The following TSHZ2 variants were observed in gnomAD, a reference collection of about 807,000 sequenced individuals.
The protein encoded by TSHZ2 is teashirt zinc finger homeobox 2.
TSHZ2 carries 21 observed loss-of-function variants against 74.4 expected under a neutral mutation model. That is an observed-to-expected ratio of 0.28 (90% CI 0.20 to 0.41). The LOEUF is 0.41. Ranked by LOEUF, TSHZ2 falls within the 10% of genes least tolerant of loss-of-function variation. The pLI, the probability that TSHZ2 is intolerant of heterozygous loss-of-function variation, is 1.00. For synonymous variants in TSHZ2, 540 were observed against 515.3 expected, an observed-to-expected ratio of 1.05 and a Z score of -0.65; for missense variants, 1,244 against 1,293.5, an observed-to-expected ratio of 0.96 and a Z score of 0.59.
rs1986551088 is a variant in TSHZ2, at chr20:53,495,187, A to T, written c.*8052A>T. 1 of 152,254 alleles carries T rather than the reference A, an allele frequency of 6.6e-6. No homozygotes were observed. Among genetic ancestry groups the T allele is most frequent in the South Asian group, 2.1e-4 (1 of 4,836 alleles). 9.4% of individuals were successfully genotyped at this position (152,254 alleles called of 1,614,324 possible). A position where few individuals can be genotyped will look rare whatever the true frequency, so the allele number is the denominator to read the frequency against. On this transcript the variant is annotated 3_prime_UTR_variant, in exon 3 of 3. Coordinates refer to ENST00000371497, the MANE Select transcript of TSHZ2 (RefSeq NM_173485.6). ...CAGATGCACTTAAAACATGAAAAGA[A>T]TTATTTATATGATAAAAATATATTT...
At chr20:53,473,533 T>G (rs71362728) in intron 2 of TSHZ2, among the ~76,000 whole-genome samples, 10,943 of 134,298 alleles carry the variant, frequency 0.081, 935 homozygotes, top group East Asian at 0.18. Context: ...AGACCAAAAG[T>G]AGATAAAACC....
rs990057386 is a variant in TSHZ2 at position 53,489,095 on chromosome 20, A to T, written c.*1960A>T. The T allele has an allele frequency of 1.8e-5, 8 of 456,180 alleles. No homozygotes were observed. The highest frequency in any genetic ancestry group is 3.5e-5 in the Non-Finnish European group (8 of 226,978). 28.3% of individuals were successfully genotyped at this position (456,180 alleles called of 1,614,324 possible). On this transcript the variant is annotated 3_prime_UTR_variant, in exon 3 of 3. Transcript: ENST00000371497. ...TTCATTGAAGTGTCAGCACTCATCC[A>T]TCAATCAATCACCCACAAGGAAAAA...
intron 1 of TSHZ2, among the ~76,000 whole-genome samples, chr20:53,048,695 C>G (rs551303922): frequency 6.6e-6 from 1 of 152,326 alleles, no homozygotes; most frequent in South Asian, 2.1e-4. Context: ...GAACTCAAGT[C>G]AGGCTCTTTG....
intron 2 of TSHZ2, among the ~76,000 whole-genome samples, chr20:53,350,203 AC>A (rs1233877239): frequency 6.6e-6 from 1 of 152,154 alleles, no homozygotes; most frequent in Non-Finnish European, 1.5e-5. Context: ...GGTTCTAGGG[AC>A]TCGAATGTAG....
chr20:53,452,274 C>T (rs767773171), intron 2 of TSHZ2, among the ~76,000 whole-genome samples: 18 of 152,296 alleles, frequency 1.2e-4, no homozygotes, highest in Non-Finnish European at 2.4e-4. Context: ...TTATTAGTTA[C>T]AGGAATTTAA....
chr20:53,242,477 G>T (rs1218120235), intron 1 of TSHZ2, among the ~76,000 whole-genome samples: 1 of 152,144 alleles, frequency 6.6e-6, no homozygotes, highest in Non-Finnish European at 1.5e-5. Flanking sequence ...TTTTATAGGG[G>T]ATGAGTTCTT....
chr20:53,053,581 G>GTATATATA (rs10566003), intron 1 of TSHZ2, among the ~76,000 whole-genome samples: 3 of 149,912 alleles, frequency 2.0e-5, no homozygotes, highest in Non-Finnish European at 4.4e-5. Context: ...ATATGTGTGT[G>GTATATATA]TATATATATA....
At chr20:53,131,388 G>T (rs1046963353) in intron 1 of TSHZ2, among the ~76,000 whole-genome samples, 1 of 152,102 alleles carries the variant, frequency 6.6e-6, no homozygotes, top group Non-Finnish European at 1.5e-5. Context: ...TCTCTGCAGG[G>T]ACTCCCTGCA....
chr20:53,199,044 A>T (rs1464106944), intron 1 of TSHZ2, among the ~76,000 whole-genome samples: 1 of 152,180 alleles, frequency 6.6e-6, no homozygotes, highest in African/African-American at 2.4e-5. Context: ...GATGTTAGGC[A>T]GGCCCCAGCA....
At chr20:53,263,952 G>C (rs570815655) in intron 2 of TSHZ2, among the ~76,000 whole-genome samples, 1 of 152,200 alleles carries the variant, frequency 6.6e-6, no homozygotes, top group Non-Finnish European at 1.5e-5. Flanking sequence ...TGGCCGGGAG[G>C]GTTCCAGGGA....
At chr20:53,441,807 C>A (rs1051743370) in intron 2 of TSHZ2, among the ~76,000 whole-genome samples, 3 of 152,070 alleles carry the variant, frequency 2.0e-5, no homozygotes, top group Non-Finnish European at 4.4e-5. Flanking sequence ...GTCTTGAACT[C>A]CTGACCTCAA....
At chr20:53,090,518 G>C (rs966252679) in intron 1 of TSHZ2, among the ~76,000 whole-genome samples, 8 of 152,170 alleles carry the variant, frequency 5.3e-5, no homozygotes, top group African/African-American at 1.9e-4. Context: ...CCTTCCAATT[G>C]AAAGATTTTA....
intron 1 of TSHZ2, among the ~76,000 whole-genome samples, chr20:53,177,425 G>A (rs995823121): frequency 6.6e-6 from 1 of 151,930 alleles, no homozygotes; most frequent in Non-Finnish European, 1.5e-5. Context: ...TGTAGATTCT[G>A]ATTCAGCAGA....
chr20:53,062,595 G>A (rs976985162), intron 1 of TSHZ2, among the ~76,000 whole-genome samples: 2 of 152,156 alleles, frequency 1.3e-5, no homozygotes, highest in African/African-American at 4.8e-5. Flanking sequence ...AGCCTTCACA[G>A]AATTGAAGAG....
chr20:53,389,153 A>G (rs536521721), intron 2 of TSHZ2, among the ~76,000 whole-genome samples: 6 of 152,322 alleles, frequency 3.9e-5, no homozygotes, highest in African/African-American at 1.4e-4. Flanking sequence ...TGAAAACCCA[A>G]ACATCTACAG....
intron 2 of TSHZ2, among the ~76,000 whole-genome samples, chr20:53,486,886 G>C (rs952581791): frequency 2.0e-5 from 3 of 151,986 alleles, no homozygotes; most frequent in Non-Finnish European, 2.9e-5. Context: ...TCTGTTGTTC[G>C]CATGTTTACA....
chr20:53,104,037 G>T (rs1986291718), intron 1 of TSHZ2, among the ~76,000 whole-genome samples: 2 of 152,174 alleles, frequency 1.3e-5, no homozygotes, highest in Non-Finnish European at 1.5e-5. Context: ...GTGTGGAAAG[G>T]TTGCTGGCAA....
chr20:52,997,886 C>G (rs990051944), intron 1 of TSHZ2, among the ~76,000 whole-genome samples: 1 of 152,142 alleles, frequency 6.6e-6, no homozygotes, highest in Non-Finnish European at 1.5e-5. Flanking sequence ...AAACAGATGG[C>G]CTTACATCTT....
intron 1 of TSHZ2, among the ~76,000 whole-genome samples, chr20:53,166,930 C>G (rs1988076711): frequency 6.6e-6 from 1 of 151,902 alleles, no homozygotes; most frequent in Non-Finnish European, 1.5e-5. Context: ...TTAAAAAAAC[C>G]TGATAATGTA....
Sources: allele counts gnomAD v4.1 joint callset (sites outside exome capture counted in the v4.1 genomes callset), GRCh38; gene constraint gnomAD v4.1.1; transcripts MANE v1.5; gene names NCBI Gene and HGNC (gene_info 2026-07-23, HGNC 2026-07-21).